LRRC3B: variants seen among roughly 807,000 people sequenced by gnomAD.
LRRC3B encodes the protein leucine rich repeat containing 3B.
Under a neutral mutation model 12.8 loss-of-function variants are expected in LRRC3B, and 2 were observed. That is an observed-to-expected ratio of 0.16 (90% confidence interval 0.06 to 0.49). LRRC3B has a LOEUF of 0.49. Among genes scored for constraint, LRRC3B ranks in the 20% least tolerant of loss-of-function variants. The pLI, the probability that LRRC3B is intolerant of heterozygous loss-of-function variation, is 0.96. For synonymous variants in LRRC3B, 132 were observed against 122.0 expected, an observed-to-expected ratio of 1.08 and a Z score of -0.54; for missense variants, 189 against 319.4, an observed-to-expected ratio of 0.59 and a Z score of 3.11.
intron 1 of LRRC3B, among the ~76,000 whole-genome samples, chr3:26,708,741 T>C (rs1487549018): frequency 6.6e-6 from 1 of 152,192 alleles, no homozygotes; most frequent in African/African-American, 2.4e-5. Context: ...GTGAAGTCTA[T>C]TGGGGAAGTC....
At chr3:26,657,891 A>G (rs567282415) in intron 1 of LRRC3B, among the ~76,000 whole-genome samples, 4 of 152,296 alleles carry the variant, frequency 2.6e-5, no homozygotes, top group African/African-American at 7.2e-5. Context: ...GTGAGGCCGC[A>G]TCTGCCTTTT....
At chr3:26,649,868 C>CT (rs1464335363) in intron 1 of LRRC3B, among the ~76,000 whole-genome samples, 2 of 152,124 alleles carry the variant, frequency 1.3e-5, no homozygotes, top group African/African-American at 4.8e-5. Context: ...TGTTTCTTCA[C>CT]TTCTTAACAC....
At chr3:26,690,031 T>G (rs1700159105) in intron 1 of LRRC3B, among the ~76,000 whole-genome samples, 1 of 152,160 alleles carries the variant, frequency 6.6e-6, no homozygotes, top group Non-Finnish European at 1.5e-5. Flanking sequence ...CTTCTTCCTC[T>G]TACATGCTGT....
intron 1 of LRRC3B, among the ~76,000 whole-genome samples, chr3:26,633,166 C>A (rs1698795479): frequency 6.6e-6 from 1 of 152,088 alleles, no homozygotes; most frequent in South Asian, 2.1e-4. Flanking sequence ...CTTCCTTTCT[C>A]TTCTTCTCTC....
intron 1 of LRRC3B, among the ~76,000 whole-genome samples, chr3:26,649,966 T>C (rs1242017564): frequency 1.3e-5 from 2 of 152,204 alleles, no homozygotes; most frequent in Non-Finnish European, 2.9e-5. Flanking sequence ...TTTCATCTTT[T>C]TAAGACCCAG....
At chr3:26,680,149 C>T (rs971847348) in intron 1 of LRRC3B, among the ~76,000 whole-genome samples, 2 of 152,222 alleles carry the variant, frequency 1.3e-5, no homozygotes, top group Non-Finnish European at 2.9e-5. Context: ...GATGCAGATG[C>T]TGCTGGTCCA....
chr3:26,674,188 A>G (rs1012517707), intron 1 of LRRC3B, among the ~76,000 whole-genome samples: 1 of 152,234 alleles, frequency 6.6e-6, no homozygotes, highest in African/African-American at 2.4e-5. Flanking sequence ...CATCACCTCC[A>G]AAAGTTAATC....
chr3:26,707,116 G>A (rs139016233), intron 1 of LRRC3B, among the ~76,000 whole-genome samples: 812 of 151,694 alleles, frequency 5.4e-3, no homozygotes, highest in Non-Finnish European at 8.7e-3. Context: ...ACTTTGGGAG[G>A]CGAGGCAGGT....
chr3:26,643,972 A>G (rs1023214540), intron 1 of LRRC3B, among the ~76,000 whole-genome samples: 3 of 152,196 alleles, frequency 2.0e-5, no homozygotes, highest in East Asian at 1.9e-4. Flanking sequence ...GAGCAATTTG[A>G]CCACGCTCTG....
intron 1 of LRRC3B, among the ~76,000 whole-genome samples, chr3:26,690,067 G>A (rs1700159940): frequency 6.6e-6 from 1 of 152,204 alleles, no homozygotes; most frequent in Non-Finnish European, 1.5e-5. Context: ...AAAAGCCATA[G>A]GCATGGTAAA....
intron 1 of LRRC3B, among the ~76,000 whole-genome samples, chr3:26,655,747 G>C (rs1320632299): frequency 6.6e-6 from 1 of 152,118 alleles, no homozygotes; most frequent in Non-Finnish European, 1.5e-5. Flanking sequence ...CATGGTGACA[G>C]AAATGCTCAG....
chr3:26,680,863 G>A (rs1699956735), intron 1 of LRRC3B, among the ~76,000 whole-genome samples: 1 of 152,136 alleles, frequency 6.6e-6, no homozygotes, highest in Admixed American at 6.6e-5. Flanking sequence ...AAATATTTCA[G>A]AAAAGCATCC....
intron 1 of LRRC3B, among the ~76,000 whole-genome samples, chr3:26,657,588 T>C (rs759683612): frequency 6.6e-6 from 1 of 152,220 alleles, no homozygotes; most frequent in Non-Finnish European, 1.5e-5. Flanking sequence ...ATTAGTCATT[T>C]AAAAAGTCCA....
intron 1 of LRRC3B, among the ~76,000 whole-genome samples, chr3:26,668,554 A>C (rs1253413080): frequency 3.9e-5 from 6 of 152,286 alleles, no homozygotes; most frequent in Admixed American, 3.3e-4. Context: ...AACAAGGAGA[A>C]TCGACTATTA....
intron 1 of LRRC3B, among the ~76,000 whole-genome samples, chr3:26,690,544 C>A (rs578055960): frequency 6.6e-6 from 1 of 152,124 alleles, no homozygotes; most frequent in East Asian, 1.9e-4. Context: ...AAAGCTAAGT[C>A]CCTAGGTAGC....
chr3:26,683,947 G>A (rs1035425475), intron 1 of LRRC3B, among the ~76,000 whole-genome samples: 9 of 152,216 alleles, frequency 5.9e-5, no homozygotes, highest in Non-Finnish European at 1.3e-4. Context: ...ATTGATGTGT[G>A]AGAAAAGCTG....
intron 1 of LRRC3B, among the ~76,000 whole-genome samples, chr3:26,695,580 A>G (rs774491099): frequency 3.6e-4 from 55 of 152,176 alleles, no homozygotes; most frequent in Non-Finnish European, 6.5e-4. Context: ...GCTGTAACAG[A>G]CAGTTTGAAA....
chr3:26,679,047 C>A (rs150502900), intron 1 of LRRC3B, among the ~76,000 whole-genome samples: 114 of 152,258 alleles, frequency 7.5e-4, no homozygotes, highest in Middle Eastern at 3.4e-3. Flanking sequence ...AATAAGACAG[C>A]ATAGGATTGT....
At chr3:26,673,414 G>A (rs891288874) in intron 1 of LRRC3B, among the ~76,000 whole-genome samples, 1 of 152,142 alleles carries the variant, frequency 6.6e-6, no homozygotes, top group African/African-American at 2.4e-5. Flanking sequence ...TAGCACCAAG[G>A]TTGAGCTACA....
Sources: allele counts gnomAD v4.1 joint callset (sites outside exome capture counted in the v4.1 genomes callset), GRCh38; gene constraint gnomAD v4.1.1; transcripts MANE v1.5; gene names NCBI Gene and HGNC (gene_info 2026-07-23, HGNC 2026-07-21).